TRIOBP: variants seen among roughly 807,000 people sequenced by gnomAD.
TRIOBP encodes the protein TRIO and F-actin-binding protein.
In TRIOBP, 169 loss-of-function variants were observed where a neutral mutation model predicts 238.8. That is an observed-to-expected ratio of 0.71 (90% CI 0.62 to 0.80). The LOEUF (loss-of-function observed/expected upper bound fraction) is 0.80, where lower values mean the gene tolerates loss of function less well. Ranked by LOEUF, TRIOBP falls within the 30% of genes least tolerant of loss-of-function variation. The pLI, the probability that TRIOBP is intolerant of heterozygous loss-of-function variation, is 0.00. For synonymous variants in TRIOBP, 1,150 were observed against 1,274.4 expected, an observed-to-expected ratio of 0.90 and a Z score of 2.08; for missense variants, 2,838 against 3,122.6, an observed-to-expected ratio of 0.91 and a Z score of 2.17.
chr22:37,746,064 G>GCCGTCCCA (rs1336034640), intron 11 of TRIOBP, among the ~76,000 whole-genome samples: 1 of 117,886 alleles, frequency 8.5e-6, no homozygotes, highest in Non-Finnish European at 1.8e-5. Flanking sequence ...CCGCCGTCCC[G>GCCGTCCCA]CCGCCCCGCC....
intron 19 of TRIOBP, 32 bp downstream of exon 19, chr22:37,768,208 C>T: frequency 6.4e-7 from 1 of 1,571,588 alleles, no homozygotes; most frequent in Non-Finnish European, 8.7e-7. Context: ...ACTGCCCACC[C>T]TGATGGTTAT....
chr22:37,710,105 A>G (rs566871808), intron 3 of TRIOBP, among the ~76,000 whole-genome samples: 1 of 152,328 alleles, frequency 6.6e-6, no homozygotes, highest in South Asian at 2.1e-4. Flanking sequence ...TACCCGCGGG[A>G]CCTGCGTAGA....
chr22:37,703,659 C>T (rs1331547762), intron 3 of TRIOBP, among the ~76,000 whole-genome samples: 1 of 151,938 alleles, frequency 6.6e-6, no homozygotes, highest in Non-Finnish European at 1.5e-5. Context: ...CACCCGGCAC[C>T]ACGCCCAGCT....
At position 37,738,726 on chromosome 22, in the gene TRIOBP, G is replaced by T. The variant is rs765977493; in HGVS notation, c.5184+7G>T. On this transcript the variant is annotated splice_region_variant and intron_variant, in intron 10 of 23. Coordinates refer to ENST00000644935, the MANE Select transcript of TRIOBP (RefSeq NM_001039141.3). ...CCAGAAGCAGGCAGACTCGGTAGCTGGGTCATGGGTGTGGGTACATACGGT... is the reference window on the plus strand; with the variant it reads ...CCAGAAGCAGGCAGACTCGGTAGCTTGGTCATGGGTGTGGGTACATACGGT... The T allele has an allele frequency of 6.2e-7, 1 of 1,613,820 alleles. No individual in the cohort carries two copies. Among genetic ancestry groups the T allele is most frequent in the South Asian group, 1.1e-5 (1 of 91,054 alleles).
At position 37,757,715 on chromosome 22, in the gene TRIOBP, G is replaced by A. The variant is rs1471032396; in HGVS notation, c.5790G>A (p.Arg1930=). The A allele has an allele frequency of 6.3e-7, 1 of 1,579,546 alleles. No individual in the cohort carries two copies. The part of the protein sequence containing the change: ...EQRAGSEVIS[R]GGPRKADGQR... The stretch of plus-strand genomic sequence containing the variant: ...GGGCGGGCTCTGAGGTCATCAGCCG[G>A]GGTGGCCCTCGGAAGGCGGACGGGC... Residue 1930 remains arginine, a synonymous_variant, in exon 16 of 24, where the codon CGG becomes CGA. Coordinates refer to ENST00000644935, the MANE Select transcript of TRIOBP (RefSeq NM_001039141.3).
At chr22:37,701,865 C>T (rs1235301731) in intron 3 of TRIOBP, among the ~76,000 whole-genome samples, 2 of 152,184 alleles carry the variant, frequency 1.3e-5, no homozygotes, top group South Asian at 2.1e-4. Context: ...CGGTGGCTCA[C>T]GCCTGTAATC....
At chr22:37,719,998 CCCTTTT>C (rs1923745304) in intron 6 of TRIOBP, among the ~76,000 whole-genome samples, 2 of 13,848 alleles carry the variant, frequency 1.4e-4, no homozygotes, top group Non-Finnish European at 3.6e-4. Flanking sequence ...TCCCCCCCCG[CCCTTTT>C]TTTTTTTTTT....
At chr22:37,708,929 ACATT>A (rs1923092129) in intron 3 of TRIOBP, among the ~76,000 whole-genome samples, 1 of 152,192 alleles carries the variant, frequency 6.6e-6, no homozygotes, top group Non-Finnish European at 1.5e-5. Context: ...ATGAGGTGTC[ACATT>A]AGGCTAGGGT....
At chr22:37,754,759 T>G in intron 12 of TRIOBP, 118 bp from the exon 13 acceptor site, 1 of 979,232 alleles carries the variant, frequency 1.0e-6, no homozygotes, top group Middle Eastern at 3.0e-4. Flanking sequence ...GGGCCAGGTC[T>G]CAAATTGGCA....
Position 37,723,859 on chromosome 22 carries a change from C to T in TRIOBP, c.1303C>T (p.Arg435Trp), listed in dbSNP as rs1245953209. 13 of 1,594,654 alleles carry T rather than the reference C, an allele frequency of 8.2e-6. No homozygotes were observed. The highest frequency in any genetic ancestry group is 3.3e-5 in the South Asian group (3 of 90,338). ...CAACCCCAGAACATCCTGCGCCCAG[C>T]GGGACAATCCCAGAGCCTCCTCTCC... ...RDNPRTSCAQ[R>W]DNPRASSPSR... The change falls in exon 7 of 24, where the codon CGG becomes TGG. Residue 435 changes from arginine to tryptophan, a missense_variant. Arg to Trp is a moderately radical substitution (Grantham distance 101). Coordinates refer to ENST00000644935, the MANE Select transcript of TRIOBP (RefSeq NM_001039141.3).
intron 12 of TRIOBP, among the ~76,000 whole-genome samples, chr22:37,752,931 C>G (rs1244436222): frequency 6.6e-6 from 1 of 152,238 alleles, no homozygotes; most frequent in Non-Finnish European, 1.5e-5. Flanking sequence ...CTAGGAGCAC[C>G]TGGGGCAGAC....
At position 37,725,630 on chromosome 22, in the gene TRIOBP, G is replaced by A. The variant is rs368593552; in HGVS notation, c.3074G>A (p.Arg1025Gln). Residue 1025 changes from arginine to glutamine, a missense_variant, in exon 7 of 24, where the codon CGA (arginine) becomes CAA (glutamine). By Grantham distance (43) the Arg-to-Gln change is conservative. This residue lies in a region of TRIOBP where 2,096 missense variants were observed against 2,137.4 expected (regional missense o/e 0.98). Transcript: ENST00000644935. ...AVCIGHRDAP[R>Q]ASSPPRYLQH... Reference sequence around the variant, plus strand: ...TGCATTGGGCACCGGGATGCCCCTCGAGCCTCTTCGCCCCCTCGCTATTTG... The same window carrying A: ...TGCATTGGGCACCGGGATGCCCCTCAAGCCTCTTCGCCCCCTCGCTATTTG... 1,079 of 1,603,404 alleles carry A rather than the reference G, an allele frequency of 6.7e-4. 6 individuals carry two copies. Among genetic ancestry groups the A allele is most frequent in the South Asian group, 6.5e-3 (589 of 90,162 alleles).
At chr22:37,764,660 C>T (rs1268144332) in intron 17 of TRIOBP, among the ~76,000 whole-genome samples, 3 of 152,220 alleles carry the variant, frequency 2.0e-5, no homozygotes, top group African/African-American at 4.8e-5. Flanking sequence ...GATGATGCCA[C>T]CGGACCACCC....
intron 11 of TRIOBP, 51 bp from the exon 12 acceptor site, chr22:37,751,721 C>A: frequency 6.2e-7 from 1 of 1,604,598 alleles, no homozygotes. Flanking sequence ...TCACCAGCCC[C>A]CATTGGCTTC....
Position 37,725,797 on chromosome 22 carries a change from C to T in TRIOBP, c.3241C>T (p.Gln1081Ter). The T allele has an allele frequency of 6.2e-7, 1 of 1,611,280 alleles. No homozygotes were observed. The highest frequency in any genetic ancestry group is 8.5e-7 in the Non-Finnish European group (1 of 1,178,422). ...GGCGTCCTCGCCCCCCCGCCACACC[C>T]AATTTGACCCCTTCCCCTTCCTCCC... The part of the protein sequence containing the change: ...PRASSPPRHT[Q>*]FDPFPFLPDT... The change falls in exon 7 of 24, where the codon CAA becomes TAA. Residue 1081 changes from glutamine (Q) to a stop codon, truncating the protein, a stop_gained. Transcript: ENST00000644935. LOFTEE classifies it high-confidence loss of function.
intron 11 of TRIOBP, among the ~76,000 whole-genome samples, chr22:37,750,082 G>T (rs1489749817): frequency 6.6e-6 from 1 of 152,200 alleles, no homozygotes; most frequent in Non-Finnish European, 1.5e-5. Context: ...GTACAGACAC[G>T]TTCAGTCCTG....
At chr22:37,755,237 G>T (rs369496031) in intron 14 of TRIOBP, 47 bp downstream of exon 14, 2 of 1,575,320 alleles carry the variant, frequency 1.3e-6, no homozygotes, top group African/African-American at 1.4e-5. Flanking sequence ...AGCATGGCTG[G>T]AGGTCCCTGG....
Position 37,701,309 on chromosome 22 carries a change from T to A in TRIOBP, c.-57T>A. On this transcript the variant is annotated 5_prime_UTR_variant, in exon 3 of 24. Coordinates refer to ENST00000644935, the MANE Select transcript of TRIOBP (RefSeq NM_001039141.3). ...GCCTCCCCCTCATTTTTGCCAGGCC[T>A]CACATAGACGGTCAGCCATTGGATC... 7.0e-7 allele frequency: 1 copy of A among 1,431,306 alleles called. No homozygotes were observed. The allele number at this position is 1,431,306 out of a possible 1,614,324, so 88.7% of individuals were successfully genotyped here.
chr22:37,740,765 A>T, intron 10 of TRIOBP, 130 bp from the exon 11 acceptor site: 1 of 1,350,108 alleles, frequency 7.4e-7, no homozygotes, highest in Non-Finnish European at 1.0e-6. Flanking sequence ...CAGTTCTGGG[A>T]GGAGAGAAAG....
Sources: gnomAD v4.1 joint callset for allele counts (sites outside exome capture counted in the v4.1 genomes callset) on GRCh38, gnomAD v4.1.1 for gene constraint, gnomAD v4.1.1 regional missense constraint, MANE v1.5 for transcripts, NCBI Gene and HGNC (gene_info 2026-07-23, HGNC 2026-07-21) for gene names.